RPS6KB1: variants seen among roughly 807,000 people sequenced by gnomAD.
RPS6KB1 encodes ribosomal protein S6 kinase B1.
RPS6KB1 carries 12 observed loss-of-function variants against 70.2 expected under a neutral mutation model. That is an observed-to-expected ratio of 0.17 (90% confidence interval 0.11 to 0.28). RPS6KB1 has a LOEUF of 0.28. Ranked by LOEUF, RPS6KB1 falls within the 10% of genes least tolerant of loss-of-function variation. The probability of loss-of-function intolerance (pLI) is 1.00; values close to 1 mark genes in which losing one functional copy is unlikely to be tolerated. For missense variants in RPS6KB1, 270 were observed against 646.6 expected (o/e 0.42, Z 6.32); for synonymous variants, 175 against 211.2 (o/e 0.83, Z 1.49).
At chr17:59,943,351 A>G (rs1010074384) in intron 13 of RPS6KB1, among the ~76,000 whole-genome samples, 10 of 152,200 alleles carry the variant, frequency 6.6e-5, no homozygotes, top group African/African-American at 2.2e-4. Flanking sequence ...TCAATTGGAC[A>G]TTGCAGAATT....
intron 4 of RPS6KB1, among the ~76,000 whole-genome samples, chr17:59,919,796 A>G (rs958127187): frequency 1.2e-4 from 18 of 151,962 alleles, no homozygotes; most frequent in African/African-American, 3.4e-4. Context: ...TTAGCACTCC[A>G]CCTTCTGCCT....
rs1453368351 is a variant in RPS6KB1, at chr17:59,893,421, G to A, written c.141+96G>A. On this transcript the variant is annotated intron_variant, in intron 1 of 14. Transcript: ENST00000225577. The surrounding 1 kb of genome is among the most constrained non-coding windows in gnomAD (Gnocchi z 4.1). ...TGTGTCCTAGAGCGTGGAGACCCAG[G>A]GGGGCTCCTGAGGAGCTGAGGGTCG... 7.8e-7 allele frequency: 1 copy of A among 1,288,948 alleles called. No individual in the cohort carries two copies. The highest frequency in any genetic ancestry group is 1.4e-5 in the South Asian group (1 of 73,750). 79.8% of individuals were successfully genotyped at this position (1,288,948 alleles called of 1,614,324 possible). A position where few individuals can be genotyped will look rare whatever the true frequency, so the allele number is the denominator to read the frequency against.
chr17:59,898,126 T>A (rs2041677586), intron 1 of RPS6KB1, among the ~76,000 whole-genome samples: 1 of 152,048 alleles, frequency 6.6e-6, no homozygotes, highest in Non-Finnish European at 1.5e-5. Context: ...TAAGGAAAAG[T>A]TTTCCTTCAG....
intron 4 of RPS6KB1, among the ~76,000 whole-genome samples, chr17:59,925,468 A>G (rs568342969): frequency 2.0e-5 from 3 of 152,306 alleles, no homozygotes; most frequent in African/African-American, 7.2e-5. Context: ...TTTGTCAGCA[A>G]ATGCAAATTA....
Position 59,893,873 on chromosome 17 carries a change from G to A in RPS6KB1, c.141+548G>A. Reference sequence around the variant, plus strand: ...CTGCCGCTGCTGTTACAGCCACCAGGAGTTTTATTTCGGGAGCAAGGGGGC... The same window carrying A: ...CTGCCGCTGCTGTTACAGCCACCAGAAGTTTTATTTCGGGAGCAAGGGGGC... On this transcript the variant is annotated intron_variant, in intron 1 of 14. Transcript: ENST00000225577. The surrounding 1 kb of genome is among the most constrained non-coding windows in gnomAD (Gnocchi z 4.1). The A allele has an allele frequency of 2.6e-5, 26 of 985,364 alleles. No individual in the cohort carries two copies. The highest frequency in any genetic ancestry group is 3.0e-5 in the Non-Finnish European group (25 of 830,012). 61.0% of individuals were successfully genotyped at this position (985,364 alleles called of 1,614,324 possible).
At position 59,893,205 on chromosome 17, in the gene RPS6KB1, G is replaced by C. The variant is rs766063541; in HGVS notation, c.21G>C (p.Arg7=). Residue 7 remains arginine, a synonymous_variant, in exon 1 of 15, where the codon CGG becomes CGC. Transcript: ENST00000225577. This position sits in a 1 kb window ranked among gnomAD's most constrained non-coding sequence, Gnocchi z 4.1. ...GGCCCATGAGGCGACGAAGGAGGCG[G>C]GACGGCTTTTACCCAGCCCCGGACT... MRRRRR[R]DGFYPAPDFR... The C allele has an allele frequency of 6.2e-7, 1 of 1,607,068 alleles. No homozygotes were observed. Among genetic ancestry groups the C allele is most frequent in the Non-Finnish European group, 8.5e-7 (1 of 1,177,354 alleles).
At chr17:59,904,292 G>T (rs960430751) in intron 1 of RPS6KB1, among the ~76,000 whole-genome samples, 1 of 149,832 alleles carries the variant, frequency 6.7e-6, no homozygotes, top group African/African-American at 2.5e-5. Context: ...CGTTGGTCAG[G>T]CTGGTCTCGA....
chr17:59,942,038 G>T (rs951939511), intron 13 of RPS6KB1, among the ~76,000 whole-genome samples: 1 of 151,894 alleles, frequency 6.6e-6, no homozygotes, highest in South Asian at 2.1e-4. Context: ...TTTTGTATTT[G>T]TAGTAGAGAC....
At chr17:59,929,350 C>T (rs181067000) in intron 5 of RPS6KB1, among the ~76,000 whole-genome samples, 58 of 152,288 alleles carry the variant, frequency 3.8e-4, no homozygotes, top group Non-Finnish European at 7.5e-4. Context: ...CTGTCCGCCT[C>T]GGCCTCCCAA....
At chr17:59,913,186 T>A (rs1255101956) in intron 3 of RPS6KB1, among the ~76,000 whole-genome samples, 1 of 152,146 alleles carries the variant, frequency 6.6e-6, no homozygotes, top group Non-Finnish European at 1.5e-5. Context: ...GAGACCTTAA[T>A]CTCAACTGGT....
chr17:59,898,666 A>G (rs933216780), intron 1 of RPS6KB1, among the ~76,000 whole-genome samples: 1 of 151,488 alleles, frequency 6.6e-6, no homozygotes, highest in Non-Finnish European at 1.5e-5. Flanking sequence ...CATGTTGGCC[A>G]GGCTGGTCTC....
At chr17:59,903,331 C>T (rs193044259) in intron 1 of RPS6KB1, among the ~76,000 whole-genome samples, 40 of 149,838 alleles carry the variant, frequency 2.7e-4, no homozygotes, top group Non-Finnish European at 2.8e-4. Flanking sequence ...AAAAAAGAGC[C>T]GAGCATGGTG....
At chr17:59,945,095 C>A in intron 13 of RPS6KB1, 1 of 191,060 alleles carries the variant, frequency 5.2e-6, no homozygotes, top group Non-Finnish European at 1.1e-5. Flanking sequence ...AGCCCCCGTG[C>A]CTGGGCGTAT....
intron 1 of RPS6KB1, among the ~76,000 whole-genome samples, chr17:59,901,879 C>G (rs1405033969): frequency 6.6e-6 from 1 of 151,298 alleles, no homozygotes; most frequent in African/African-American, 2.4e-5. Flanking sequence ...AATTATCCGT[C>G]TTGGTGGTGT....
chr17:59,895,753 C>T (rs2041513932), intron 1 of RPS6KB1, among the ~76,000 whole-genome samples: 1 of 152,058 alleles, frequency 6.6e-6, no homozygotes, highest in Non-Finnish European at 1.5e-5. Context: ...GTGCCTCAGC[C>T]TTCCGAGTAG....
rs2044237079 is a variant in RPS6KB1 at position 59,936,291 on chromosome 17, T to C, written c.1041+14T>C. On this transcript the variant is annotated intron_variant, in intron 11 of 14. Transcript: ENST00000225577. Reference sequence around the variant, plus strand: ...GGAGAAGTTCAAGTAGGGATTGGCATCTTTGGTGTTTTGTGGGGAAGATAA... The same window carrying C: ...GGAGAAGTTCAAGTAGGGATTGGCACCTTTGGTGTTTTGTGGGGAAGATAA... 1.3e-6 allele frequency: 2 copies of C among 1,589,904 alleles called. No homozygotes were observed. Among genetic ancestry groups the C allele is most frequent in the African/African-American group, 2.7e-5 (2 of 73,074 alleles).
At position 59,893,239 on chromosome 17, in the gene RPS6KB1, A is replaced by G; in HGVS notation, c.55A>G (p.Arg19Gly). 6.2e-7 allele frequency: 1 copy of G among 1,612,836 alleles called. No individual in the cohort carries two copies. The highest frequency in any genetic ancestry group is 8.5e-7 in the Non-Finnish European group (1 of 1,179,562). The change falls in exon 1 of 15, where the codon AGG becomes GGG. Residue 19 changes from arginine (R) to glycine (G), a missense_variant. Coordinates refer to ENST00000225577, the MANE Select transcript of RPS6KB1 (RefSeq NM_003161.4). The surrounding 1 kb of genome is among the most constrained non-coding windows in gnomAD (Gnocchi z 4.1). ...TTACCCAGCCCCGGACTTCCGAGAC[A>G]GGGAAGCTGAGGACATGGCAGGAGT... ...GFYPAPDFRD[R>G]EAEDMAGVFD...
intron 1 of RPS6KB1, among the ~76,000 whole-genome samples, chr17:59,907,805 A>AT (rs1568403447): frequency 6.6e-6 from 1 of 152,092 alleles, no homozygotes; most frequent in Non-Finnish European, 1.5e-5. Flanking sequence ...GAAGTTATTT[A>AT]TGCCACTGTA....
chr17:59,939,886 G>T (rs1341015367), intron 12 of RPS6KB1, among the ~76,000 whole-genome samples: 1 of 152,018 alleles, frequency 6.6e-6, no homozygotes, highest in Non-Finnish European at 1.5e-5. Context: ...TCCTACATTT[G>T]GCCCAAGAGT....
Sources: gnomAD v4.1 joint callset for allele counts (sites outside exome capture counted in the v4.1 genomes callset) on GRCh38, gnomAD v4.1.1 for gene constraint, Gnocchi (gnomAD v3.1) non-coding constraint, MANE v1.5 for transcripts, NCBI Gene and HGNC (gene_info 2026-07-23, HGNC 2026-07-21) for gene names.